Variants in FBXL7 observed in about 807,000 individuals in gnomAD.
FBXL7 encodes the protein F-box/LRR-repeat protein 7.
Under a neutral mutation model 38.3 loss-of-function variants are expected in FBXL7, and 12 were observed. The observed-to-expected ratio is 0.31, with a 90% CI of 0.20 to 0.51. The LOEUF is 0.51. Ranked by LOEUF, FBXL7 falls within the 20% of genes least tolerant of loss-of-function variation. FBXL7 has a pLI of 0.98. For missense variants in FBXL7, 567 were observed against 676.4 expected, an observed-to-expected ratio of 0.84 and a Z score of 1.79; for synonymous variants, 297 against 300.9, an observed-to-expected ratio of 0.99 and a Z score of 0.13.
At chr5:15,818,727 TGTGTGTGTGTGTGTGTGA>T (rs1424489684) in intron 2 of FBXL7, among the ~76,000 whole-genome samples, 3 of 90,810 alleles carry the variant, frequency 3.3e-5, no homozygotes, top group African/African-American at 7.2e-5. Context: ...TGTGTGTGTG[TGTGTGTGTGTGTGTGTGA>T]GAGAGAGAGA....
chr5:15,927,787 A>C, intron 2 of FBXL7, 103 bp from the exon 3 acceptor site: 1 of 747,446 alleles, frequency 1.3e-6, no homozygotes, highest in East Asian at 3.1e-5. Flanking sequence ...AAAAAAAAAA[A>C]GAAGAAGAAA....
chr5:15,662,309 T>C (rs1742112481), intron 2 of FBXL7, among the ~76,000 whole-genome samples: 1 of 152,220 alleles, frequency 6.6e-6, no homozygotes, highest in South Asian at 2.1e-4. Context: ...TTGAAAAGTG[T>C]CCGTTCATGT....
chr5:15,605,564 G>A (rs1171288164), intron 1 of FBXL7, among the ~76,000 whole-genome samples: 1 of 152,128 alleles, frequency 6.6e-6, no homozygotes, highest in Admixed American at 6.6e-5. Flanking sequence ...CAGATTAGAT[G>A]TTACTAGGGG....
intron 2 of FBXL7, among the ~76,000 whole-genome samples, chr5:15,869,168 C>T (rs1875986): frequency 0.014 from 2,140 of 152,246 alleles, 48 homozygotes; most frequent in African/African-American, 0.047. Context: ...GCTAGTAAGA[C>T]GGGAGTCACA....
At chr5:15,550,038 C>T (rs538981713) in intron 1 of FBXL7, among the ~76,000 whole-genome samples, 29 of 152,224 alleles carry the variant, frequency 1.9e-4, no homozygotes, top group Middle Eastern at 3.4e-3. Context: ...TACAAAAAGG[C>T]TTTAGATAGT....
At chr5:15,588,848 C>CA (rs1739377702) in intron 1 of FBXL7, among the ~76,000 whole-genome samples, 1 of 152,188 alleles carries the variant, frequency 6.6e-6, no homozygotes, top group African/African-American at 2.4e-5. Context: ...AAGGTCTATA[C>CA]AATTAGATCC....
intron 2 of FBXL7, among the ~76,000 whole-genome samples, chr5:15,785,780 C>T (rs977604350): frequency 2.0e-5 from 3 of 152,222 alleles, no homozygotes; most frequent in African/African-American, 4.8e-5. Context: ...GCAGTTAGGA[C>T]ATTTTCCATC....
intron 2 of FBXL7, among the ~76,000 whole-genome samples, chr5:15,688,575 C>T (rs16867549): frequency 0.052 from 7,953 of 152,208 alleles, 237 homozygotes; most frequent in East Asian, 0.085. Context: ...ACTCCATGGT[C>T]GCCTCCAGTC....
chr5:15,912,901 C>G (rs928466475), intron 2 of FBXL7, among the ~76,000 whole-genome samples: 1 of 152,114 alleles, frequency 6.6e-6, no homozygotes, highest in South Asian at 2.1e-4. Flanking sequence ...ACTACCCATG[C>G]GAAATGTATC....
At chr5:15,549,708 A>G (rs539123751) in intron 1 of FBXL7, among the ~76,000 whole-genome samples, 16 of 152,220 alleles carry the variant, frequency 1.1e-4, no homozygotes, top group Non-Finnish European at 2.1e-4. Context: ...AAGTAGCTAC[A>G]TAATATCCTT....
chr5:15,853,179 G>C (rs1466088384), intron 2 of FBXL7, among the ~76,000 whole-genome samples: 2 of 152,148 alleles, frequency 1.3e-5, no homozygotes, highest in African/African-American at 4.8e-5. Flanking sequence ...GAATCACTGT[G>C]CTACAGTGGA....
intron 2 of FBXL7, among the ~76,000 whole-genome samples, chr5:15,835,933 T>A (rs1738580914): frequency 1.3e-5 from 2 of 152,206 alleles, no homozygotes; most frequent in Non-Finnish European, 2.9e-5. Flanking sequence ...TAAAGAACTC[T>A]GGGCAGGATT....
In FBXL7 at chr5:15,615,639, A is replaced by G. The variant is rs564309070; in HGVS notation, c.38-344A>G. 2.0e-4 allele frequency among the ~76,000 whole-genome samples: 31 copies of G among 152,310 alleles called. No individual in the cohort carries two copies. In the South Asian group the frequency reaches 6.4e-3, roughly 32 times the overall value. On this transcript the variant is annotated intron_variant, in intron 1 of 3. Transcript: ENST00000504595. The stretch of plus-strand genomic sequence containing the variant: ...AGAAATGCATAATTTATAGTTGCAA[A>G]TAAAAAATTAATGCAGGAGATGTGT...
At chr5:15,685,120 A>T (rs946810229) in intron 2 of FBXL7, among the ~76,000 whole-genome samples, 14 of 152,296 alleles carry the variant, frequency 9.2e-5, no homozygotes, top group African/African-American at 3.4e-4. Context: ...TGATAGACAG[A>T]AGTATCTCTT....
At chr5:15,559,187 T>C (rs181042426) in intron 1 of FBXL7, among the ~76,000 whole-genome samples, 1 of 152,318 alleles carries the variant, frequency 6.6e-6, no homozygotes, top group Admixed American at 6.5e-5. Flanking sequence ...TGAAGCATTT[T>C]CTAGAGACTG....
intron 1 of FBXL7, among the ~76,000 whole-genome samples, chr5:15,557,435 A>G (rs1324357052): frequency 6.6e-6 from 1 of 152,184 alleles, no homozygotes; most frequent in Non-Finnish European, 1.5e-5. Context: ...TTTGTATATA[A>G]TTATATTTAA....
intron 2 of FBXL7, among the ~76,000 whole-genome samples, chr5:15,665,242 G>GC (rs1742230945): frequency 6.6e-6 from 1 of 152,148 alleles, no homozygotes; most frequent in African/African-American, 2.4e-5. Context: ...TTTACCATGA[G>GC]CCCCTGGGGG....
In FBXL7 at chr5:15,527,216, C is replaced by T. The variant is rs73751968; in HGVS notation, c.37+26503C>T. Among the ~76,000 whole-genome samples the T allele has an allele frequency of 8.9e-3, 1,360 of 152,250 alleles. 18 individuals are homozygous for T. The highest frequency in any genetic ancestry group is 0.03 in the African/African-American group (1,258 of 41,536). On this transcript the variant is annotated intron_variant, in intron 1 of 3. Transcript: ENST00000504595. ...GTGAGATTCTTGTTAAGTAAGCATT[C>T]GTCAGTAATGTCAGGTATAATAAGA...
At chr5:15,845,418 A>T (rs1738866645) in intron 2 of FBXL7, among the ~76,000 whole-genome samples, 1 of 152,020 alleles carries the variant, frequency 6.6e-6, no homozygotes, top group Admixed American at 6.6e-5. Context: ...ATACTAACCA[A>T]CCCCTGACCC....
Sources: allele counts gnomAD v4.1 joint callset (sites outside exome capture counted in the v4.1 genomes callset), GRCh38; gene constraint gnomAD v4.1.1; transcripts MANE v1.5; gene names NCBI Gene and HGNC (gene_info 2026-07-23, HGNC 2026-07-21).